The following CREB5 variants were observed in gnomAD, a reference collection of about 807,000 sequenced individuals.
CREB5 encodes the protein cAMP responsive element binding protein 5, also known as cyclic AMP-responsive element-binding protein 5.
A neutral mutation model predicts 57.1 loss-of-function variants in CREB5; 19 were observed. The ratio of observed to expected loss-of-function variants is 0.33; its 90% CI spans 0.23 to 0.49. The LOEUF is 0.49. CREB5 is among the 20% of genes least tolerant of loss of function. The pLI is 0.99. For missense variants in CREB5, 579 were observed against 671.6 expected, an observed-to-expected ratio of 0.86 and a Z score of 1.52; for synonymous variants, 238 against 238.3, an observed-to-expected ratio of 1.00 and a Z score of 0.01.
chr7:28,463,963 G>A (rs542174407), intron 1 of CREB5, among the ~76,000 whole-genome samples: 12 of 152,256 alleles, frequency 7.9e-5, no homozygotes, highest in African/African-American at 2.6e-4. Flanking sequence ...TGAAATAGAA[G>A]TAGTGAGAGC....
chr7:28,622,319 C>A (rs1488611591), intron 5 of CREB5, among the ~76,000 whole-genome samples: 1 of 151,480 alleles, frequency 6.6e-6, no homozygotes, highest in Non-Finnish European at 1.5e-5. Flanking sequence ...AATCATATAT[C>A]CCCTTAGAGA....
intron 5 of CREB5, among the ~76,000 whole-genome samples, chr7:28,596,209 A>G (rs944197128): frequency 6.6e-6 from 1 of 152,178 alleles, no homozygotes; most frequent in African/African-American, 2.4e-5. Flanking sequence ...ATCAATTATG[A>G]CGAGTACTCT....
At chr7:28,478,408 A>T (rs1159500022) in intron 1 of CREB5, among the ~76,000 whole-genome samples, 1 of 151,710 alleles carries the variant, frequency 6.6e-6, no homozygotes, top group African/African-American at 2.4e-5. Context: ...AAAAGAAAAA[A>T]ATATGTATAT....
At chr7:28,465,803 C>A (rs1443977927) in intron 1 of CREB5, among the ~76,000 whole-genome samples, 1 of 152,128 alleles carries the variant, frequency 6.6e-6, no homozygotes, top group Non-Finnish European at 1.5e-5. Context: ...GAAAAAGCCA[C>A]TGAATGAATA....
chr7:28,691,919 A>G (rs552389349), intron 5 of CREB5, among the ~76,000 whole-genome samples: 15 of 151,814 alleles, frequency 9.9e-5, no homozygotes, highest in Non-Finnish European at 1.8e-4. Flanking sequence ...CTGTAATCCC[A>G]GCACTTTGGG....
chr7:28,666,842 G>T (rs1799845352), intron 5 of CREB5, among the ~76,000 whole-genome samples: 1 of 151,816 alleles, frequency 6.6e-6, no homozygotes, highest in African/African-American at 2.4e-5. Flanking sequence ...TGAGGCGGGA[G>T]GATCAATTGA....
chr7:28,626,072 T>C (rs927032611), intron 5 of CREB5, among the ~76,000 whole-genome samples: 2 of 152,174 alleles, frequency 1.3e-5, no homozygotes, highest in African/African-American at 4.8e-5. Context: ...ATTTATGAGG[T>C]CATTCTATTT....
intron 1 of CREB5, among the ~76,000 whole-genome samples, chr7:28,433,681 C>T (rs1456663517): frequency 6.6e-6 from 1 of 151,980 alleles, no homozygotes; most frequent in Non-Finnish European, 1.5e-5. Context: ...CACCCTTTAT[C>T]TTTAAAATCT....
At chr7:28,619,283 C>T (rs1010327191) in intron 5 of CREB5, among the ~76,000 whole-genome samples, 1 of 152,158 alleles carries the variant, frequency 6.6e-6, no homozygotes, top group Non-Finnish European at 1.5e-5. Context: ...CACTAGATGG[C>T]CTATAGCTTG....
In CREB5 at chr7:28,820,156, T is replaced by C. The variant is rs959848746; in HGVS notation, c.*877T>C. 2.6e-5 allele frequency: 4 copies of C among 152,448 alleles called. No homozygotes were observed. Among genetic ancestry groups the C allele is most frequent in the African/African-American group, 9.7e-5 (4 of 41,428 alleles). 9.4% of individuals were successfully genotyped at this position (152,448 alleles called of 1,614,324 possible). ...TAATGTTTTTAATAATCACAGCAAATGAAAGGTGGTTTAGTTATAAGTGAA... is the reference window on the plus strand; with the variant it reads ...TAATGTTTTTAATAATCACAGCAAACGAAAGGTGGTTTAGTTATAAGTGAA... On this transcript the variant is annotated 3_prime_UTR_variant, in exon 11 of 11. Coordinates refer to ENST00000357727, the MANE Select transcript of CREB5 (RefSeq NM_182898.4).
At chr7:28,534,025 A>G (rs546829866) in intron 4 of CREB5, among the ~76,000 whole-genome samples, 2 of 152,202 alleles carry the variant, frequency 1.3e-5, no homozygotes, top group African/African-American at 4.8e-5. Flanking sequence ...TGGAAAAGCA[A>G]ATCTGTATCT....
chr7:28,444,073 A>T (rs533398394), intron 1 of CREB5, among the ~76,000 whole-genome samples: 2 of 152,344 alleles, frequency 1.3e-5, no homozygotes, highest in East Asian at 3.9e-4. Context: ...GTGTCTTTAC[A>T]AAACTCAGAA....
intron 5 of CREB5, among the ~76,000 whole-genome samples, chr7:28,644,874 T>C (rs1050924312): frequency 5.3e-5 from 8 of 152,184 alleles, no homozygotes; most frequent in African/African-American, 1.9e-4. Context: ...TTGCTCTTCC[T>C]TGAGAATGAG....
At chr7:28,676,138 T>C (rs56222906) in intron 5 of CREB5, among the ~76,000 whole-genome samples, 20,965 of 152,172 alleles carry the variant, frequency 0.14, 1,979 homozygotes, top group Middle Eastern at 0.21. Flanking sequence ...GGCTAGAAGA[T>C]AGTACATGAC....
intron 5 of CREB5, among the ~76,000 whole-genome samples, chr7:28,696,855 T>G (rs931756156): frequency 1.3e-5 from 2 of 151,938 alleles, no homozygotes; most frequent in Non-Finnish European, 2.9e-5. Flanking sequence ...TACACATACG[T>G]ATATGTGTGT....
At chr7:28,551,294 C>G (rs1022040466) in intron 4 of CREB5, among the ~76,000 whole-genome samples, 2 of 152,076 alleles carry the variant, frequency 1.3e-5, no homozygotes, top group Admixed American at 6.5e-5. Flanking sequence ...GAAAAAGGTG[C>G]AGAGTTTTAA....
intron 1 of CREB5, among the ~76,000 whole-genome samples, chr7:28,361,014 C>G (rs1000238308): frequency 2.0e-5 from 3 of 151,962 alleles, no homozygotes. Flanking sequence ...GCTGAACATC[C>G]TGTAATGCAC....
chr7:28,487,115 C>A (rs10258173), intron 1 of CREB5, among the ~76,000 whole-genome samples: 29,730 of 152,028 alleles, frequency 0.2, 3,107 homozygotes, highest in South Asian at 0.28. Flanking sequence ...CTCCTGGGTT[C>A]AAACGCCTCT....
chr7:28,685,762 T>C (rs1366518413), intron 5 of CREB5, among the ~76,000 whole-genome samples: 1 of 151,708 alleles, frequency 6.6e-6, no homozygotes, highest in Non-Finnish European at 1.5e-5. Context: ...TGGAGCTCTC[T>C]GATGGCAGCT....
Sources: gnomAD v4.1 joint callset for allele counts (sites outside exome capture counted in the v4.1 genomes callset) on GRCh38, gnomAD v4.1.1 for gene constraint, MANE v1.5 for transcripts, NCBI Gene and HGNC (gene_info 2026-07-23, HGNC 2026-07-21) for gene names.